Variants in SIRPB1 observed in about 807,000 individuals in gnomAD.
SIRPB1 encodes the protein signal-regulatory protein beta-1.
A neutral mutation model predicts 34.1 loss-of-function variants in SIRPB1; 28 were observed. That is an observed-to-expected ratio of 0.82 (90% CI 0.61 to 1.12). The LOEUF is 1.12. Among genes scored for constraint, SIRPB1 ranks in the 50% most tolerant of loss-of-function variants. The pLI is 0.00. For synonymous variants in SIRPB1, 211 were observed against 203.8 expected, an observed-to-expected ratio of 1.04 and a Z score of -0.30; for missense variants, 499 against 507.0, an observed-to-expected ratio of 0.98 and a Z score of 0.15.
At chr20:1,610,105 A>G (rs1166214888) in intron 1 of SIRPB1, among the ~76,000 whole-genome samples, 1 of 73,066 alleles carries the variant, frequency 1.4e-5, no homozygotes, top group East Asian at 5.7e-4. Context: ...GAATCTCGAT[A>G]TGGAATGACA....
chr20:1,609,717 T>C (rs2091545984), intron 1 of SIRPB1, among the ~76,000 whole-genome samples: 1 of 72,810 alleles, frequency 1.4e-5, no homozygotes. Flanking sequence ...GTGGATCACC[T>C]GAGGTTGAGA....
chr20:1,576,370 T>C lies in SIRPB1; in HGVS notation c.433+1968A>G, dbSNP rs181057070. On this transcript the variant is annotated intron_variant, in intron 2 of 5. Coordinates refer to ENST00000381605, the MANE Select transcript of SIRPB1 (RefSeq NM_006065.5). ...TAGGCTTTACATATACACATTTTTT[T>C]AAAAAGCTGTTAGTAAAGCTATGTG... Among the ~76,000 whole-genome samples, 3 of 147,946 alleles carry C rather than the reference T, an allele frequency of 2.0e-5. 1 individual carries two copies. The highest frequency in any genetic ancestry group is 7.4e-5 in the African/African-American group (3 of 40,578).
At position 1,607,699 on chromosome 20, in the gene SIRPB1, A is replaced by T. The variant is rs544647381; in HGVS notation, c.76+12170T>A. On this transcript the variant is annotated intron_variant, in intron 1 of 5. Transcript: ENST00000381605. Reference sequence around the variant, plus strand: ...TCTGAGGTCACACAGCTTCACCCTAACACAACTCACCTTTATTGAGCATTT... The same window carrying T: ...TCTGAGGTCACACAGCTTCACCCTATCACAACTCACCTTTATTGAGCATTT... 3.1e-5 allele frequency among the ~76,000 whole-genome samples: 2 copies of T among 64,376 alleles called. 1 individual carries two copies. The highest frequency in any genetic ancestry group is 2.6e-4 in the Admixed American group (2 of 7,836). 42.2% of individuals were successfully genotyped at this position (64,376 alleles called of 152,430 possible). A position where few individuals can be genotyped will look rare whatever the true frequency, so the allele number is the denominator to read the frequency against.
At chr20:1,614,249 G>A (rs2091598160) in intron 1 of SIRPB1, among the ~76,000 whole-genome samples, 2 of 152,158 alleles carry the variant, frequency 1.3e-5, no homozygotes. Context: ...AATGCTAAAG[G>A]GAGTGCTTCA....
chr20:1,566,351 T>C, intron 4 of SIRPB1, 84 bp from the exon 5 acceptor site: 1 of 732,400 alleles, frequency 1.4e-6, no homozygotes, highest in Non-Finnish European at 2.3e-6. Context: ...CATCTGAGGC[T>C]ACCTGGGCCC....
At chr20:1,578,182 C>T (rs763099202) in intron 2 of SIRPB1, 156 bp downstream of exon 2, 4 of 845,454 alleles carry the variant, frequency 4.7e-6, no homozygotes, top group Non-Finnish European at 7.5e-6. Flanking sequence ...ATCTCCAAGC[C>T]TCAACTCATG....
chr20:1,577,831 A>G (rs2091338887), intron 2 of SIRPB1, among the ~76,000 whole-genome samples: 1 of 146,544 alleles, frequency 6.8e-6, no homozygotes, highest in South Asian at 2.1e-4. Flanking sequence ...TCCTCATTAG[A>G]AGGGAAGAGA....
intron 1 of SIRPB1, among the ~76,000 whole-genome samples, chr20:1,613,652 G>A (rs989674652): frequency 1.3e-5 from 2 of 152,208 alleles, no homozygotes; most frequent in Non-Finnish European, 2.9e-5. Flanking sequence ...CAGAAAACTG[G>A]AAGATGGTAT....
In SIRPB1 at chr20:1,561,889, T is replaced by C. The variant is rs1443251851; in HGVS notation, c.*3611A>G. On this transcript the variant is annotated 3_prime_UTR_variant, in exon 6 of 6. Transcript: ENST00000381605. ...GCCCACACTTCAGGAGTGGAAGTTA[T>C]GTTCCACCTCCTTTAGAGTGGAGTG... Among the ~76,000 whole-genome samples, 1 of 152,228 alleles carries C rather than the reference T, an allele frequency of 6.6e-6. No individual in the cohort carries two copies. Among genetic ancestry groups the C allele is most frequent in the African/African-American group, 2.4e-5 (1 of 41,458 alleles).
Position 1,619,937 on chromosome 20 carries a change from A to G in SIRPB1, c.8T>C (p.Val3Ala), listed in dbSNP as rs1254306601. 2 of 1,613,628 alleles carry G rather than the reference A, an allele frequency of 1.2e-6. No individual in the cohort carries two copies. The highest frequency in any genetic ancestry group is 1.7e-6 in the Non-Finnish European group (2 of 1,179,742). Residue 3 changes from valine (V) to alanine (A), a missense_variant, in exon 1 of 6, where the codon GTG becomes GCG. Physicochemically the swap from Val to Ala is moderately conservative, Grantham distance 64. Coordinates refer to ENST00000381605, the MANE Select transcript of SIRPB1 (RefSeq NM_006065.5). ...AGGAAGGTGGGGCCAGGAGGCTGGC[A>G]CGGGCATTCTGGAGACCTTAGGAGC... MP[V>A]PASWPHLPSP...
intron 1 of SIRPB1, among the ~76,000 whole-genome samples, chr20:1,618,993 T>G (rs1305691968): frequency 6.6e-6 from 1 of 152,070 alleles, no homozygotes; most frequent in Non-Finnish European, 1.5e-5. Flanking sequence ...ATGAGGTCAT[T>G]GGGGTGGGCC....
At position 1,619,644 on chromosome 20, in the gene SIRPB1, AATTG is replaced by A. The variant is rs1194860859; in HGVS notation, c.76+221_76+224del. Among the ~76,000 whole-genome samples, 8 of 152,244 alleles carry A rather than the reference AATTG, an allele frequency of 5.3e-5. No individual in the cohort carries two copies. In the East Asian group the frequency reaches 1.4e-3, roughly 26 times the overall value. On this transcript the variant is annotated intron_variant, in intron 1 of 5. Coordinates refer to ENST00000381605, the MANE Select transcript of SIRPB1 (RefSeq NM_006065.5). ...ATTGAAATATTATCAAAATGTAAGTAATTGTTGTTGTGGTGGTTGAATCGTCCTG... is the reference window on the plus strand; with the variant it reads ...ATTGAAATATTATCAAAATGTAAGTATTGTTGTGGTGGTTGAATCGTCCTG...
Position 1,564,540 on chromosome 20 carries a change from T to C in SIRPB1, c.*960A>G, listed in dbSNP as rs149708397. The C allele has an allele frequency of 0.012, 2,239 of 179,332 alleles. 53 individuals carry two copies. Among genetic ancestry groups the C allele is most frequent in the African/African-American group, 0.048 (2,058 of 42,542 alleles). 11.1% of individuals were successfully genotyped at this position (179,332 alleles called of 1,614,324 possible). A position where few individuals can be genotyped will look rare whatever the true frequency, so the allele number is the denominator to read the frequency against. The stretch of plus-strand genomic sequence containing the variant: ...GGCTGAAAAATGAAAGCCAGAGGAG[T>C]GGTCCCCAAAGAGATGATGCTGGCT... On this transcript the variant is annotated 3_prime_UTR_variant, in exon 6 of 6. Coordinates refer to ENST00000381605, the MANE Select transcript of SIRPB1 (RefSeq NM_006065.5).
chr20:1,614,428 C>T (rs2091601013), intron 1 of SIRPB1, among the ~76,000 whole-genome samples: 1 of 152,176 alleles, frequency 6.6e-6, no homozygotes, highest in Non-Finnish European at 1.5e-5. Flanking sequence ...GTCCCTGCCA[C>T]AATTCCTCTT....
chr20:1,618,621 G>T (rs1473560498), intron 1 of SIRPB1, among the ~76,000 whole-genome samples: 1 of 152,232 alleles, frequency 6.6e-6, no homozygotes, highest in Non-Finnish European at 1.5e-5. Context: ...TGAGACCCCT[G>T]CCCTCTAGGG....
chr20:1,583,869 C>CTAA lies in SIRPB1; in HGVS notation c.77-5176_77-5175insTTA, dbSNP rs2091411171. Among the ~76,000 whole-genome samples, 2 of 43,140 alleles carry CTAA rather than the reference C, an allele frequency of 4.6e-5. 1 individual carries two copies. Among genetic ancestry groups the CTAA allele is most frequent in the South Asian group, 1.7e-3 (2 of 1,200 alleles). 28.3% of individuals were successfully genotyped at this position (43,140 alleles called of 152,430 possible). Reference sequence around the variant, plus strand: ...AGTCTTACTACTACTACTACTACTACTACTACTACTACTACTACTACTACT... The same window carrying CTAA: ...AGTCTTACTACTACTACTACTACTACTAATACTACTACTACTACTACTACTACT... On this transcript the variant is annotated intron_variant, in intron 1 of 5. Transcript: ENST00000381605.
Position 1,598,812 on chromosome 20 carries a change from C to T in SIRPB1, c.77-20118G>A. On this transcript the variant is annotated intron_variant, in intron 1 of 5. Transcript: ENST00000381605. ...CAGCCCTTGGTCAGGCATCCATCCC[C>T]CACACTTACAGTCAGGCCTTCTGCT... The T allele has an allele frequency of 4.4e-6, 2 of 452,422 alleles. 1 individual carries two copies. Among genetic ancestry groups the T allele is most frequent in the Non-Finnish European group, 6.2e-6 (2 of 322,056 alleles). The allele number at this position is 452,422 out of a possible 1,614,324, so 28.0% of individuals were successfully genotyped here. A position where few individuals can be genotyped will look rare whatever the true frequency, so the allele number is the denominator to read the frequency against.
chr20:1,577,176 T>A (rs550684905), intron 2 of SIRPB1, among the ~76,000 whole-genome samples: 2 of 148,214 alleles, frequency 1.3e-5, no homozygotes, highest in South Asian at 4.2e-4. Context: ...GGGAAACTGA[T>A]GAAAAGAGAA....
chr20:1,570,951 C>A lies in SIRPB1; in HGVS notation c.938G>T (p.Ser313Ile). 6.2e-7 allele frequency: 1 copy of A among 1,614,176 alleles called. No homozygotes were observed. The change falls in exon 4 of 6, where the codon AGC becomes ATC. Residue 313 changes from serine to isoleucine, a missense_variant. Coordinates refer to ENST00000381605, the MANE Select transcript of SIRPB1 (RefSeq NM_006065.5). ...GGCACAGGTGTTCACCAGGAGCCAGCTCATCCAGTTGTAGGTGCCATCCTT... is the reference window on the plus strand; with the variant it reads ...GGCACAGGTGTTCACCAGGAGCCAGATCATCCAGTTGTAGGTGCCATCCTT... Reference protein sequence around the residue: ...ENKDGTYNWMSWLLVNTCAHR... With the variant: ...ENKDGTYNWMIWLLVNTCAHR...
Sources: allele counts gnomAD v4.1 joint callset (sites outside exome capture counted in the v4.1 genomes callset), GRCh38; gene constraint gnomAD v4.1.1; transcripts MANE v1.5; gene names NCBI Gene and HGNC (gene_info 2026-07-23, HGNC 2026-07-21).